RBM47: variants seen among roughly 807,000 people sequenced by gnomAD.
RBM47 encodes RNA binding motif protein 47, also known as RNA-binding protein 47.
A neutral mutation model predicts 47.1 loss-of-function variants in RBM47; 21 were observed. That is an observed-to-expected ratio of 0.45 (90% confidence interval 0.32 to 0.64). RBM47 has a LOEUF of 0.64. Ranked by LOEUF, RBM47 falls within the 30% of genes least tolerant of loss-of-function variation. The pLI is 0.05. For missense variants in RBM47, 708 were observed against 870.9 expected (o/e 0.81, Z 2.35); for synonymous variants, 375 against 361.7 (o/e 1.04, Z -0.42).
intron 3 of RBM47, among the ~76,000 whole-genome samples, chr4:40,462,986 G>A (rs1172195811): frequency 2.0e-5 from 3 of 152,124 alleles, no homozygotes; most frequent in South Asian, 4.1e-4. Flanking sequence ...TGCACCAAAG[G>A]ACACTGTCAA....
chr4:40,601,803 G>A (rs967584913), intron 1 of RBM47, among the ~76,000 whole-genome samples: 1 of 152,200 alleles, frequency 6.6e-6, no homozygotes, highest in East Asian at 1.9e-4. Flanking sequence ...AAGTTGTGGT[G>A]AAAAGAACAG....
intron 2 of RBM47, among the ~76,000 whole-genome samples, chr4:40,490,641 G>GC: frequency 6.6e-6 from 1 of 151,988 alleles, no homozygotes; most frequent in African/African-American, 2.4e-5. Context: ...CGGGCGTGGT[G>GC]GCGCCTGGCC....
In RBM47 at chr4:40,498,054, T is replaced by TTATATATATATATATA. The variant is rs6148409; in HGVS notation, c.-154-31371_-154-31356dup. The stretch of plus-strand genomic sequence containing the variant: ...TGCAAATAAAATGTAAGTGCTTGTT[T>TTATATATATATATATA]TATATATATATATATATATATATAT... On this transcript the variant is annotated intron_variant, in intron 2 of 6. Transcript: ENST00000295971. 5.4e-3 allele frequency among the ~76,000 whole-genome samples: 596 copies of TTATATATATATATATA among 109,780 alleles called. 11 individuals are homozygous for TTATATATATATATATA. The highest frequency in any genetic ancestry group is 0.014 in the African/African-American group (433 of 31,612). The allele number at this position is 109,780 out of a possible 152,430, so 72.0% of individuals were successfully genotyped here.
chr4:40,567,326 C>T (rs548532674), intron 1 of RBM47, among the ~76,000 whole-genome samples: 18 of 151,954 alleles, frequency 1.2e-4, no homozygotes, highest in African/African-American at 3.6e-4. Flanking sequence ...TAACATTTAT[C>T]GAGCATTTAT....
At chr4:40,557,482 C>T (rs1730209235) in intron 1 of RBM47, among the ~76,000 whole-genome samples, 1 of 152,158 alleles carries the variant, frequency 6.6e-6, no homozygotes, top group Admixed American at 6.5e-5. Context: ...GGCGCAGTGG[C>T]TCATGCCTGT....
intron 2 of RBM47, among the ~76,000 whole-genome samples, chr4:40,496,890 A>G (rs1158668408): frequency 1.3e-5 from 2 of 152,052 alleles, no homozygotes; most frequent in Non-Finnish European, 2.9e-5. Flanking sequence ...AAATACAAAA[A>G]TTAGCCAGGC....
chr4:40,522,967 CTTTTTTT>C (rs529306760), intron 2 of RBM47, among the ~76,000 whole-genome samples: 1 of 116,910 alleles, frequency 8.6e-6, no homozygotes, highest in Non-Finnish European at 1.7e-5. Context: ...TCTCAAAAAT[CTTTTTTT>C]TTTTTTTTTT....
At chr4:40,599,867 G>A (rs1560497764) in intron 1 of RBM47, among the ~76,000 whole-genome samples, 1 of 152,114 alleles carries the variant, frequency 6.6e-6, no homozygotes, top group Non-Finnish European at 1.5e-5. Context: ...TCATGAGATA[G>A]TAGGCACTCA....
chr4:40,476,725 G>A (rs1369610891), intron 2 of RBM47, among the ~76,000 whole-genome samples: 2 of 152,112 alleles, frequency 1.3e-5, no homozygotes, highest in Non-Finnish European at 2.9e-5. Context: ...AAGTTGCCTG[G>A]AGGAGGTCCT....
chr4:40,579,776 C>A (rs1275317780), intron 1 of RBM47, among the ~76,000 whole-genome samples: 1 of 149,794 alleles, frequency 6.7e-6, no homozygotes, highest in Non-Finnish European at 1.5e-5. Context: ...GAGACTAGGT[C>A]TCACTCTGTC....
chr4:40,580,184 A>G lies in RBM47; in HGVS notation c.-239-35678T>C, dbSNP rs562007812. ...TTAGTTAGCAAAGTCAAATGAGTCC[A>G]CTTCATGGATATTTTCTAAATGTGT... On this transcript the variant is annotated intron_variant, in intron 1 of 6. Coordinates refer to ENST00000295971, the MANE Select transcript of RBM47 (RefSeq NM_001098634.2). Among the ~76,000 whole-genome samples, 13 of 151,528 alleles carry G rather than the reference A, an allele frequency of 8.6e-5. No individual in the cohort carries two copies. In the South Asian group the frequency reaches 2.7e-3, roughly 32 times the overall value.
At chr4:40,598,995 C>T (rs1215837685) in intron 1 of RBM47, among the ~76,000 whole-genome samples, 1 of 151,984 alleles carries the variant, frequency 6.6e-6, no homozygotes, top group African/African-American at 2.4e-5. Flanking sequence ...TGGCTCATAC[C>T]TGTAATCCCA....
At chr4:40,513,141 C>A (rs1167308513) in intron 2 of RBM47, among the ~76,000 whole-genome samples, 1 of 152,198 alleles carries the variant, frequency 6.6e-6, no homozygotes, top group Admixed American at 6.5e-5. Context: ...CGAAGTTTGT[C>A]CTGTGGAGGA....
chr4:40,492,440 C>T (rs1031753443), intron 2 of RBM47, among the ~76,000 whole-genome samples: 1 of 152,162 alleles, frequency 6.6e-6, no homozygotes, highest in African/African-American at 2.4e-5. Flanking sequence ...GATGCTGCCA[C>T]TTATTACCCT....
chr4:40,534,006 G>T (rs971554953), intron 2 of RBM47, among the ~76,000 whole-genome samples: 3 of 152,034 alleles, frequency 2.0e-5, no homozygotes, highest in Middle Eastern at 6.8e-3. Flanking sequence ...GTAGAGATGT[G>T]GTTTCCCCGT....
chr4:40,626,247 T>G (rs1306257769), intron 1 of RBM47, among the ~76,000 whole-genome samples: 1 of 152,246 alleles, frequency 6.6e-6, no homozygotes, highest in Non-Finnish European at 1.5e-5. Flanking sequence ...TTTTGTTTTT[T>G]CAGGTGTACT....
rs1396455473 is a variant in RBM47, at chr4:40,437,153, AATAC to A, written c.1124-510_1124-507del. Among the ~76,000 whole-genome samples the A allele has an allele frequency of 6.4e-4, 30 of 46,662 alleles. 1 individual carries two copies. The highest frequency in any genetic ancestry group is 1.9e-3 in the African/African-American group (29 of 15,424). 30.6% of individuals were successfully genotyped at this position (46,662 alleles called of 152,430 possible). A position where few individuals can be genotyped will look rare whatever the true frequency, so the allele number is the denominator to read the frequency against. ...ATATAAAATACATATATATATATAAAATACATATATATATATATAATACATATAT... is the reference window on the plus strand; with the variant it reads ...ATATAAAATACATATATATATATAAAATATATATATATATAATACATATAT... On this transcript the variant is annotated intron_variant, in intron 4 of 6. Coordinates refer to ENST00000295971, the MANE Select transcript of RBM47 (RefSeq NM_001098634.2).
chr4:40,583,931 TATAACATGGAATTTGTTTAAA>T (rs1317697939), intron 1 of RBM47, among the ~76,000 whole-genome samples: 3 of 152,104 alleles, frequency 2.0e-5, no homozygotes, highest in African/African-American at 7.2e-5. Context: ...TGTGATTTAT[TATAACATGGAATTTGTTTAAA>T]ATGCAAATCT....
At position 40,425,921 on chromosome 4, in the gene RBM47, C is replaced by A. The variant is rs781251500; in HGVS notation, c.1765G>T (p.Val589Phe). ...CACCAGCCTCAGTATGTCTGGTAGACGTCGGGGATGGGGACCTGAATGGCA... is the reference window on the plus strand; with the variant it reads ...CACCAGCCTCAGTATGTCTGGTAGAAGTCGGGGATGGGGACCTGAATGGCA... ...AAAIQVPIPD[V>F]YQTY The change falls in exon 7 of 7, where the codon GTC becomes TTC. Residue 589 changes from valine to phenylalanine, a missense_variant. Val to Phe is a conservative substitution (Grantham distance 50). Coordinates refer to ENST00000295971, the MANE Select transcript of RBM47 (RefSeq NM_001098634.2). 2 of 1,614,030 alleles carry A rather than the reference C, an allele frequency of 1.2e-6. No homozygotes were observed. Among genetic ancestry groups the A allele is most frequent in the African/African-American group, 2.7e-5 (2 of 74,930 alleles).
Sources: gnomAD v4.1 joint callset for allele counts (sites outside exome capture counted in the v4.1 genomes callset) on GRCh38, gnomAD v4.1.1 for gene constraint, MANE v1.5 for transcripts, NCBI Gene and HGNC (gene_info 2026-07-23, HGNC 2026-07-21) for gene names.